The following SYTL2 variants were observed in gnomAD, a reference collection of about 807,000 sequenced individuals.
SYTL2 encodes the protein synaptotagmin like 2, also known as synaptotagmin-like protein 2.
Under a neutral mutation model 198.7 loss-of-function variants are expected in SYTL2, and 165 were observed. That is an observed-to-expected ratio of 0.83 (90% CI 0.73 to 0.94). SYTL2 has a LOEUF of 0.94. Ranked by LOEUF, SYTL2 falls within the 40% of genes least tolerant of loss-of-function variation. The pLI, the probability that SYTL2 is intolerant of heterozygous loss-of-function variation, is 0.00. For missense variants in SYTL2, 2,835 were observed against 2,582.8 expected (o/e 1.10, Z -2.12); for synonymous variants, 966 against 917.7 (o/e 1.05, Z -0.95).
At chr11:85,794,041 T>C (rs1207578253) in intron 1 of SYTL2, among the ~76,000 whole-genome samples, 3 of 152,198 alleles carry the variant, frequency 2.0e-5, no homozygotes, top group African/African-American at 7.2e-5. Flanking sequence ...AGATTCAGTT[T>C]TTTTTTCTTG....
the SYTL2 span, among the ~76,000 whole-genome samples, chr11:85,836,120 A>G: frequency 6.6e-6 from 1 of 152,152 alleles, no homozygotes; most frequent in South Asian, 2.1e-4. Flanking sequence ...CCAAACAAAC[A>G]TATAACTAAT....
At chr11:85,853,714 T>A in the SYTL2 span, 1 of 149,482 alleles carries the variant, frequency 6.7e-6, no homozygotes, top group East Asian at 2.0e-4. Context: ...GTCAGCCCCA[T>A]CTCAAATTCA....
In SYTL2 at chr11:85,748,234, G is replaced by T. The variant is rs192149129; in HGVS notation, c.253+38C>A. Reference sequence around the variant, plus strand: ...TTCTCCCCGCTCCTCCTTCCCAAACGAATGCTTGTTGTAAATGCACTAGCC... The same window carrying T: ...TTCTCCCCGCTCCTCCTTCCCAAACTAATGCTTGTTGTAAATGCACTAGCC... On this transcript the variant is annotated intron_variant, in intron 3 of 19. Coordinates refer to ENST00000359152, the MANE Select transcript of SYTL2 (RefSeq NM_206927.4). 5.2e-5 allele frequency: 83 copies of T among 1,593,166 alleles called. No homozygotes were observed. The South Asian group carries it at 8.8e-4, about 17-fold the overall frequency.
intron 1 of SYTL2, among the ~76,000 whole-genome samples, chr11:85,806,816 A>G (rs184401985): frequency 6.6e-6 from 1 of 152,372 alleles, no homozygotes; most frequent in East Asian, 1.9e-4. Flanking sequence ...GACAAGAAGG[A>G]CCCTCATCTG....
At chr11:85,718,973 T>A (rs2087826136) in intron 9 of SYTL2, 130 bp from the exon 10 acceptor site, 1 of 1,537,630 alleles carries the variant, frequency 6.5e-7, no homozygotes, top group African/African-American at 1.4e-5. Context: ...GCAACCAAGA[T>A]GTCTTCCCCA....
Position 85,697,994 on chromosome 11 carries a change from T to C in SYTL2, c.6353A>G (p.Asn2118Ser). The C allele has an allele frequency of 6.2e-7, 1 of 1,611,878 alleles. No individual in the cohort carries two copies. Among genetic ancestry groups the C allele is most frequent in the Non-Finnish European group, 8.5e-7 (1 of 1,178,062 alleles). Residue 2118 changes from asparagine (N) to serine (S), a missense_variant, in exon 18 of 20, where the codon AAT (asparagine) becomes AGT (serine). Physicochemically the swap from Asn to Ser is conservative, Grantham distance 46. Coordinates refer to ENST00000359152, the MANE Select transcript of SYTL2 (RefSeq NM_206927.4). ...ATACTATTACCATTTAACAAAAGAA[T>C]TTAGATGACTTCCCCTTAGCAGTGG... is the stretch of plus-strand genomic sequence containing the variant. ...DLPLLRGSHL[N>S]SFVKCTILPD...
At chr11:85,745,888 C>CA in intron 3 of SYTL2, 116 bp from the exon 4 acceptor site, 1 of 998,970 alleles carries the variant, frequency 1.0e-6, no homozygotes, top group African/African-American at 1.6e-5. Flanking sequence ...TTCCCAGTGC[C>CA]AAGGCAATCA....
intron 7 of SYTL2, among the ~76,000 whole-genome samples, chr11:85,731,360 T>C (rs493673): frequency 0.75 from 114,213 of 152,108 alleles, 43,312 homozygotes; most frequent in African/African-American, 0.85. Context: ...TAACCAAAAC[T>C]GCATGGTACT....
intron 17 of SYTL2, among the ~76,000 whole-genome samples, chr11:85,699,144 T>C (rs1184373502): frequency 6.6e-6 from 1 of 152,192 alleles, no homozygotes; most frequent in Non-Finnish European, 1.5e-5. Flanking sequence ...GAGAGAATAA[T>C]TCAAATAAAA....
At chr11:85,768,830 T>G (rs2092298318) in intron 1 of SYTL2, among the ~76,000 whole-genome samples, 1 of 152,100 alleles carries the variant, frequency 6.6e-6, no homozygotes, top group African/African-American at 2.4e-5. Context: ...ACACAAGAAT[T>G]CTCCTAAATC....
At chr11:85,712,359 A>G (rs1417233410) in intron 12 of SYTL2, among the ~76,000 whole-genome samples, 1 of 152,194 alleles carries the variant, frequency 6.6e-6, no homozygotes, top group Non-Finnish European at 1.5e-5. Context: ...TCTACCTAGT[A>G]TATCAGATCA....
chr11:85,828,698 C>T, the SYTL2 span, among the ~76,000 whole-genome samples: 2 of 152,184 alleles, frequency 1.3e-5, no homozygotes, highest in Non-Finnish European at 2.9e-5. Flanking sequence ...CTCAACAGCC[C>T]TCTAAGACAG....
the SYTL2 span, among the ~76,000 whole-genome samples, chr11:85,844,132 G>A: frequency 2.2e-4 from 34 of 152,170 alleles, no homozygotes; most frequent in African/African-American, 8.0e-4. Flanking sequence ...TCTCCAAGCA[G>A]TCCCCCTGTT....
rs1190967526 is a variant in SYTL2 at position 85,714,685 on chromosome 11, A to G, written c.5531-178T>C. 14 of 1,330,642 alleles carry G rather than the reference A, an allele frequency of 1.1e-5. No homozygotes were observed. The African/African-American group carries it at 1.5e-4, about 14-fold the overall frequency. 82.4% of individuals were successfully genotyped at this position (1,330,642 alleles called of 1,614,324 possible). ...GATTAGCAACATGCAGTTTTTATAA[A>G]TTATATAGAGAGAGAACTAGCAAGG... On this transcript the variant is annotated intron_variant, in intron 11 of 19. Transcript: ENST00000359152.
chr11:85,764,420 A>G (rs1221373525), intron 1 of SYTL2, among the ~76,000 whole-genome samples: 1 of 152,204 alleles, frequency 6.6e-6, no homozygotes, highest in Non-Finnish European at 1.5e-5. Context: ...AAGTTAAATA[A>G]CTTGCCTAAG....
intron 9 of SYTL2, chr11:85,719,248 T>C (rs1475338877): frequency 2.1e-5 from 25 of 1,190,292 alleles, no homozygotes; most frequent in Non-Finnish European, 2.7e-5. Flanking sequence ...TGCATCATCA[T>C]TCACATATGC....
intron 15 of SYTL2, among the ~76,000 whole-genome samples, chr11:85,706,819 G>A (rs539966508): frequency 9.9e-4 from 150 of 151,148 alleles, no homozygotes; most frequent in Middle Eastern, 3.4e-3. Flanking sequence ...TCAGCTGTGG[G>A]TTTTTTTTGT....
chr11:85,836,192 G>A, the SYTL2 span, among the ~76,000 whole-genome samples: 23,936 of 152,008 alleles, frequency 0.16, 2,067 homozygotes, highest in Middle Eastern at 0.2. Flanking sequence ...TTCTCTATGC[G>A]TTCTCACATA....
intron 12 of SYTL2, 100 bp downstream of exon 12, chr11:85,714,313 C>G (rs1388821715): frequency 3.1e-6 from 3 of 967,202 alleles, no homozygotes; most frequent in Non-Finnish European, 3.3e-6. Flanking sequence ...CTTCTGACCT[C>G]TTTGATCTCT....
Sources: allele counts gnomAD v4.1 joint callset (sites outside exome capture counted in the v4.1 genomes callset), GRCh38; gene constraint gnomAD v4.1.1; transcripts MANE v1.5; gene names NCBI Gene and HGNC (gene_info 2026-07-23, HGNC 2026-07-21).